Variants in UGGT1 observed in about 807,000 individuals in gnomAD.
UGGT1 encodes UDP-glucose:glycoprotein glucosyltransferase 1.
Under a neutral mutation model 203.9 loss-of-function variants are expected in UGGT1, and 107 were observed. That is an observed-to-expected ratio of 0.52 (90% confidence interval 0.45 to 0.62). UGGT1 has a LOEUF of 0.62. Among genes scored for constraint, UGGT1 ranks in the 20% least tolerant of loss-of-function variants. The probability of loss-of-function intolerance (pLI) is 0.00; values close to 1 mark genes in which losing one functional copy is unlikely to be tolerated. For missense variants in UGGT1, 1,673 were observed against 1,867.2 expected (o/e 0.90, Z 1.92); for synonymous variants, 628 against 653.5 (o/e 0.96, Z 0.59).
At position 128,138,823 on chromosome 2, in the gene UGGT1, G is replaced by T. The variant is rs1259815209; in HGVS notation, c.1690G>T (p.Asp564Tyr). The T allele has an allele frequency of 6.2e-7, 1 of 1,614,126 alleles. No homozygotes were observed. Among genetic ancestry groups the T allele is most frequent in the Non-Finnish European group, 8.5e-7 (1 of 1,180,012 alleles). ...AYNYVAQEVD[D>Y]YHAFQTLTHI... ...TAATTATGTTGCCCAAGAAGTGGAT[G>T]ATTATCATGCCTTCCAGACTCTGAC... Residue 564 changes from aspartate (D) to tyrosine (Y), a missense_variant, in exon 16 of 41, where the codon GAT becomes TAT. Asp to Tyr is a radical substitution (Grantham distance 160). Around this residue, in one of 4 missense-constraint regions of UGGT1, gnomAD observed 1,073 missense variants for 1,078.7 expected, o/e 0.99. Coordinates refer to ENST00000259253, the MANE Select transcript of UGGT1 (RefSeq NM_020120.4).
In UGGT1 at chr2:128,138,856, C is replaced by T. The variant is rs201203538; in HGVS notation, c.1719+4C>T. 113 of 1,611,070 alleles carry T rather than the reference C, an allele frequency of 7.0e-5. No homozygotes were observed. Among genetic ancestry groups the T allele is most frequent in the African/African-American group, 3.1e-4 (23 of 74,842 alleles). ...TGCCTTCCAGACTCTGACACATGTACGTTTTTGTTCAGAATGGCAAATAAT... is the reference window on the plus strand; with the variant it reads ...TGCCTTCCAGACTCTGACACATGTATGTTTTTGTTCAGAATGGCAAATAAT... On this transcript the variant is annotated splice_donor_region_variant and intron_variant, in intron 16 of 40. Transcript: ENST00000259253.
At chr2:128,124,035 T>A (rs1318777061) in intron 11 of UGGT1, among the ~76,000 whole-genome samples, 1 of 152,198 alleles carries the variant, frequency 6.6e-6, no homozygotes, top group African/African-American at 2.4e-5. Flanking sequence ...AAGCTCCGCC[T>A]TCCAGGTTCA....
intron 3 of UGGT1, among the ~76,000 whole-genome samples, chr2:128,106,176 A>C (rs1687597835): frequency 1.5e-5 from 2 of 137,914 alleles, no homozygotes; most frequent in South Asian, 4.5e-4. Flanking sequence ...TGTAGGTTTT[A>C]CTAATTTAGA....
chr2:128,169,004 G>T (rs1352480395), intron 26 of UGGT1, among the ~76,000 whole-genome samples: 2 of 128,708 alleles, frequency 1.6e-5, no homozygotes, highest in Non-Finnish European at 3.1e-5. Context: ...CCGAGATCAC[G>T]CCACTATACT....
At chr2:128,104,713 C>T (rs1014253343) in intron 3 of UGGT1, among the ~76,000 whole-genome samples, 4 of 152,092 alleles carry the variant, frequency 2.6e-5, no homozygotes, top group African/African-American at 9.7e-5. Context: ...GTGGTACGAT[C>T]TGGGCTCACT....
chr2:128,173,295 G>A (rs1250346266), intron 29 of UGGT1, among the ~76,000 whole-genome samples: 2 of 152,114 alleles, frequency 1.3e-5, no homozygotes, highest in Non-Finnish European at 2.9e-5. Context: ...CATTTGAGTT[G>A]TTTTCACTTT....
intron 2 of UGGT1, among the ~76,000 whole-genome samples, chr2:128,098,663 C>A (rs1277155696): frequency 6.6e-6 from 1 of 151,062 alleles, no homozygotes; most frequent in Non-Finnish European, 1.5e-5. Context: ...CCGGGAGGAT[C>A]ACTTGAGCCC....
intron 8 of UGGT1, among the ~76,000 whole-genome samples, chr2:128,118,447 G>C (rs891746787): frequency 6.6e-6 from 1 of 152,078 alleles, no homozygotes; most frequent in Admixed American, 6.5e-5. Context: ...CAAATGTTTT[G>C]TAGAGATAGA....
chr2:128,145,960 T>C lies in UGGT1; in HGVS notation c.2009T>C (p.Val670Ala), dbSNP rs1363061032. The change falls in exon 18 of 41, where the codon GTG becomes GCG. Residue 670 changes from valine (V) to alanine (A), a missense_variant. Transcript: ENST00000259253. ...LETTTFFQRA[V>A]YLGELPHDQD... is the part of the protein sequence containing the mutation. ...ACCACCACCTTCTTCCAAAGAGCGG[T>C]GTACTTGGTGAGTCACGTTTCAAGG... The C allele has an allele frequency of 6.2e-7, 1 of 1,613,608 alleles. No individual in the cohort carries two copies. The highest frequency in any genetic ancestry group is 1.3e-5 in the African/African-American group (1 of 74,886).
At chr2:128,149,043 C>T (rs1689821793) in intron 18 of UGGT1, among the ~76,000 whole-genome samples, 1 of 151,974 alleles carries the variant, frequency 6.6e-6, no homozygotes, top group Admixed American at 6.6e-5. Flanking sequence ...GGTCACTTTC[C>T]TTACCAAAAC....
intron 4 of UGGT1, among the ~76,000 whole-genome samples, chr2:128,109,317 C>T (rs1052642738): frequency 1.3e-5 from 2 of 152,212 alleles, no homozygotes; most frequent in African/African-American, 2.4e-5. Context: ...AATCCTCCTA[C>T]CTCAGCCTCC....
rs767741743 is a variant in UGGT1, at chr2:128,182,310, C to A, written c.4244+20C>A. On this transcript the variant is annotated intron_variant, in intron 37 of 40. Transcript: ENST00000259253. ...TATCAGGTACTGAAAAGAAGCACTC[C>A]TAACACTGTTACGGGGTTTTCCTTA... 1.4e-5 allele frequency: 23 copies of A among 1,597,146 alleles called. No individual in the cohort carries two copies. Among genetic ancestry groups the A allele is most frequent in the Non-Finnish European group, 2.0e-5 (23 of 1,172,574 alleles).
At chr2:128,120,271 C>T in intron 8 of UGGT1, 85 bp from the exon 9 acceptor site, 1 of 1,289,860 alleles carries the variant, frequency 7.8e-7, no homozygotes, top group Non-Finnish European at 1.1e-6. Flanking sequence ...GAGAGGAAAA[C>T]CATGAAGATA....
At position 128,133,289 on chromosome 2, in the gene UGGT1, ACT is replaced by A. The variant is rs768847740; in HGVS notation, c.1497+32_1497+33del. 2.4e-4 allele frequency: 384 copies of A among 1,579,610 alleles called. 4 individuals are homozygous for A. In the Middle Eastern group the frequency reaches 0.012, roughly 50 times the overall value. ...AGTAAAACTTATTGTCTGGCTGTGA[ACT>A]CTGTTTCTCCCTTGCCTAGTCCCTC... is the stretch of plus-strand genomic sequence containing the variant. On this transcript the variant is annotated intron_variant, in intron 14 of 40. Transcript: ENST00000259253.
chr2:128,134,576 A>C (rs2105432173), intron 14 of UGGT1, among the ~76,000 whole-genome samples: 1 of 152,338 alleles, frequency 6.6e-6, no homozygotes, highest in African/African-American at 2.4e-5. Context: ...CCATTTTTTA[A>C]GGTGAGAGAG....
At chr2:128,154,335 G>C (rs1486935146) in intron 19 of UGGT1, among the ~76,000 whole-genome samples, 1 of 152,158 alleles carries the variant, frequency 6.6e-6, no homozygotes, top group African/African-American at 2.4e-5. Context: ...TAGCGGTTTT[G>C]TTTTTGAATT....
chr2:128,181,003 C>T lies in UGGT1; in HGVS notation c.4014C>T (p.Tyr1338=), dbSNP rs754021371. 55 of 1,614,072 alleles carry T rather than the reference C, an allele frequency of 3.4e-5. No individual in the cohort carries two copies. Among genetic ancestry groups the T allele is most frequent in the Non-Finnish European group, 4.3e-5 (51 of 1,180,044 alleles). ...AAAAACAGCGTATCATCTGGGGTTA[C>T]AAGATCCTCTTCCTGGATGTACTTT... ...QTEKQRIIWG[Y]KILFLDVLFP... Residue 1338 remains tyrosine, a synonymous_variant, in exon 36 of 41, where the codon TAC becomes TAT. Transcript: ENST00000259253.
Position 128,172,721 on chromosome 2 carries a change from G to C in UGGT1, c.3253G>C (p.Val1085Leu). 1 of 1,614,102 alleles carries C rather than the reference G, an allele frequency of 6.2e-7. No individual in the cohort carries two copies. Reference protein sequence around the residue: ...NTPESWMVESVRTPYDLDNIY... With the variant: ...NTPESWMVESLRTPYDLDNIY... ...ACCTGAGAGCTGGATGGTAGAATCT[G>C]TCAGAACACCATATGATCTTGATAA... is the stretch of plus-strand genomic sequence containing the variant. The change falls in exon 29 of 41, where the codon GTC (valine) becomes CTC (leucine). Residue 1085 changes from valine (V) to leucine (L), a missense_variant. Transcript: ENST00000259253.
rs1386321767 is a variant in UGGT1, at chr2:128,091,284, C to T, written c.-74C>T. ...CGGCCTCTCACTGGCGCAGCCTGCA[C>T]TGCCGCTGCCGCCTCGCCCCGCCCT... On this transcript the variant is annotated 5_prime_UTR_variant, in exon 1 of 41. Transcript: ENST00000259253. 1 of 1,441,656 alleles carries T rather than the reference C, an allele frequency of 6.9e-7. No homozygotes were observed. The highest frequency in any genetic ancestry group is 9.2e-7 in the Non-Finnish European group (1 of 1,085,406). 89.3% of individuals were successfully genotyped at this position (1,441,656 alleles called of 1,614,324 possible). A position where few individuals can be genotyped will look rare whatever the true frequency, so the allele number is the denominator to read the frequency against.
Sources: allele counts gnomAD v4.1 joint callset (sites outside exome capture counted in the v4.1 genomes callset), GRCh38; gene constraint gnomAD v4.1.1; regional missense constraint gnomAD v4.1.1; transcripts MANE v1.5; gene names NCBI Gene and HGNC (gene_info 2026-07-23, HGNC 2026-07-21).